Variants in LY86 observed in about 807,000 individuals in gnomAD.
The protein encoded by LY86 is lymphocyte antigen 86.
LY86 carries 20 observed loss-of-function variants against 17.3 expected under a neutral mutation model. That is an observed-to-expected ratio of 1.15 (90% CI 0.81 to 1.68). The LOEUF is 1.68. Among genes scored for constraint, LY86 ranks in the 40% most tolerant of loss-of-function variants. The probability of loss-of-function intolerance (pLI) is 0.00; values close to 1 mark genes in which losing one functional copy is unlikely to be tolerated. For missense variants in LY86, 200 were observed against 191.9 expected, an observed-to-expected ratio of 1.04 and a Z score of -0.25; for synonymous variants, 74 against 70.6, an observed-to-expected ratio of 1.05 and a Z score of -0.24.
intron 1 of LY86, among the ~76,000 whole-genome samples, chr6:6,595,474 G>C (rs1014098193): frequency 2.6e-5 from 4 of 151,740 alleles, no homozygotes; most frequent in Admixed American, 6.6e-5. Flanking sequence ...GAGGAAAGGA[G>C]GGGAGAGATT....
At chr6:6,648,513 G>T (rs1762139441) in intron 3 of LY86, among the ~76,000 whole-genome samples, 1 of 152,092 alleles carries the variant, frequency 6.6e-6, no homozygotes, top group African/African-American at 2.4e-5. Context: ...ATTCTGAGAT[G>T]ATCTTCCCCC....
Position 6,598,264 on chromosome 6 carries a change from G to C in LY86, c.136+9394G>C, listed in dbSNP as rs560437546. Reference sequence around the variant, plus strand: ...CTTATAAATTTCAAAAGCAGACAAAGCACAAATTATCACAAAATTATTCAA... The same window carrying C: ...CTTATAAATTTCAAAAGCAGACAAACCACAAATTATCACAAAATTATTCAA... On this transcript the variant is annotated intron_variant, in intron 1 of 4. Transcript: ENST00000230568. Among the ~76,000 whole-genome samples, 12 of 152,126 alleles carry C rather than the reference G, an allele frequency of 7.9e-5. No homozygotes were observed. The South Asian group carries it at 2.3e-3, about 29-fold the overall frequency.
chr6:6,589,610 TTAAA>T (rs1760462948), intron 1 of LY86, among the ~76,000 whole-genome samples: 1 of 152,170 alleles, frequency 6.6e-6, no homozygotes. Context: ...GGCTGGGGAC[TTAAA>T]TAACAGATTT....
At chr6:6,613,310 A>T (rs1761446276) in intron 1 of LY86, among the ~76,000 whole-genome samples, 1 of 152,136 alleles carries the variant, frequency 6.6e-6, no homozygotes, top group African/African-American at 2.4e-5. Context: ...TAGGGGACGG[A>T]GCGCTATGGA....
intron 1 of LY86, among the ~76,000 whole-genome samples, chr6:6,594,840 G>A (rs1052156069): frequency 2.6e-5 from 4 of 152,130 alleles, no homozygotes; most frequent in African/African-American, 9.7e-5. Flanking sequence ...CCATTTTCTG[G>A]ATATAGAAAC....
intron 3 of LY86, among the ~76,000 whole-genome samples, chr6:6,639,443 T>C (rs971161120): frequency 6.6e-6 from 1 of 152,226 alleles, no homozygotes; most frequent in African/African-American, 2.4e-5. Context: ...AACGTAGCCA[T>C]TGACAACACC....
intron 1 of LY86, among the ~76,000 whole-genome samples, chr6:6,618,396 T>C (rs1431414320): frequency 6.6e-6 from 1 of 151,680 alleles, no homozygotes; most frequent in Admixed American, 6.6e-5. Flanking sequence ...TCCTACTCCT[T>C]TTCTGTCAAT....
chr6:6,648,060 C>A (rs1762132490), intron 3 of LY86, among the ~76,000 whole-genome samples: 1 of 151,534 alleles, frequency 6.6e-6, no homozygotes, highest in African/African-American at 2.4e-5. Flanking sequence ...CCCCATCTAT[C>A]CAGATGCTCA....
chr6:6,647,310 T>C (rs377233172), intron 3 of LY86, among the ~76,000 whole-genome samples: 17 of 152,230 alleles, frequency 1.1e-4, no homozygotes, highest in Admixed American at 9.8e-4. Context: ...TTCTACAAGA[T>C]TATTCCCTTG....
chr6:6,612,240 A>C (rs776331337), intron 1 of LY86, among the ~76,000 whole-genome samples: 1 of 152,170 alleles, frequency 6.6e-6, no homozygotes, highest in Non-Finnish European at 1.5e-5. Context: ...GGGCGTGTCC[A>C]GAGTTTATTC....
chr6:6,603,604 A>AAAC (rs765819931), intron 1 of LY86, among the ~76,000 whole-genome samples: 2 of 56,172 alleles, frequency 3.6e-5, no homozygotes, highest in Non-Finnish European at 8.1e-5. Context: ...AAACAGAAAC[A>AAAC]GAAAAAAAAA....
rs796187159 is a variant in LY86, at chr6:6,606,640, C to A, written c.136+17770C>A. On this transcript the variant is annotated intron_variant, in intron 1 of 4. Coordinates refer to ENST00000230568, the MANE Select transcript of LY86 (RefSeq NM_004271.4). Reference sequence around the variant, plus strand: ...ACGCGGGGAGGAAGCTAAGGCCCGGCGAGAAATTGAGCACAGCAGCTACTG... The same window carrying A: ...ACGCGGGGAGGAAGCTAAGGCCCGGAGAGAAATTGAGCACAGCAGCTACTG... Among the ~76,000 whole-genome samples the A allele has an allele frequency of 5.3e-4, 80 of 152,312 alleles. 1 individual carries two copies. The highest frequency in any genetic ancestry group is 1.8e-3 in the African/African-American group (75 of 41,578).
chr6:6,613,990 A>G (rs1274726284), intron 1 of LY86, among the ~76,000 whole-genome samples: 1 of 152,238 alleles, frequency 6.6e-6, no homozygotes, highest in Non-Finnish European at 1.5e-5. Flanking sequence ...TTTTTCATAC[A>G]GTTTATTCCT....
At chr6:6,599,071 C>T (rs1257707207) in intron 1 of LY86, among the ~76,000 whole-genome samples, 1 of 152,186 alleles carries the variant, frequency 6.6e-6, no homozygotes, top group Non-Finnish European at 1.5e-5. Context: ...CTTACTCCTA[C>T]TTGCTTACAA....
rs2113171908 is a variant in LY86, at chr6:6,654,773, T to G, written c.*146T>G. 1 of 647,040 alleles carries G rather than the reference T, an allele frequency of 1.5e-6. No individual in the cohort carries two copies. Among genetic ancestry groups the G allele is most frequent in the Admixed American group, 2.8e-5 (1 of 35,514 alleles). 40.1% of individuals were successfully genotyped at this position (647,040 alleles called of 1,614,324 possible). A position where few individuals can be genotyped will look rare whatever the true frequency, so the allele number is the denominator to read the frequency against. On this transcript the variant is annotated 3_prime_UTR_variant, in exon 5 of 5. Transcript: ENST00000230568. Reference sequence around the variant, plus strand: ...CCCCCAAAGAGTGCAGCTGCTAATTTTAGTCCCAGGACCAGACATCCCCAG... The same window carrying G: ...CCCCCAAAGAGTGCAGCTGCTAATTGTAGTCCCAGGACCAGACATCCCCAG...
chr6:6,613,405 A>G (rs541713694), intron 1 of LY86, among the ~76,000 whole-genome samples: 1 of 152,306 alleles, frequency 6.6e-6, no homozygotes, highest in African/African-American at 2.4e-5. Context: ...GACTTCAGGC[A>G]TGGTGGGCTG....
rs529882201 is a variant in LY86 at position 6,606,669 on chromosome 6, C to T, written c.136+17799C>T. Among the ~76,000 whole-genome samples, 25 of 152,340 alleles carry T rather than the reference C, an allele frequency of 1.6e-4. No individual in the cohort carries two copies. The South Asian group carries it at 4.6e-3, about 28-fold the overall frequency. ...AAATTGAGCACAGCAGCTACTGGCCCAGGTGCTAAGCCCCTCACTACCCGG... is the reference window on the plus strand; with the variant it reads ...AAATTGAGCACAGCAGCTACTGGCCTAGGTGCTAAGCCCCTCACTACCCGG... On this transcript the variant is annotated intron_variant, in intron 1 of 4. Coordinates refer to ENST00000230568, the MANE Select transcript of LY86 (RefSeq NM_004271.4).
chr6:6,645,498 G>A (rs1762095533), intron 3 of LY86, among the ~76,000 whole-genome samples: 1 of 152,102 alleles, frequency 6.6e-6, no homozygotes. Context: ...GAGTCAGAGA[G>A]CTGGGTCTCA....
rs3804487 is a variant in LY86 at position 6,642,337 on chromosome 6, G to A, written c.353-7288G>A. Among the ~76,000 whole-genome samples the A allele has an allele frequency of 1.7e-3, 255 of 152,362 alleles. 4 individuals are homozygous for A. In the East Asian group the frequency reaches 0.034, roughly 20 times the overall value. On this transcript the variant is annotated intron_variant, in intron 3 of 4. Coordinates refer to ENST00000230568, the MANE Select transcript of LY86 (RefSeq NM_004271.4). ...CAAGCCTGCAGCACTGAGAGTCCCG[G>A]GAGGACCCCTCCAGGGGAGACACAA...
Sources: gnomAD v4.1 joint callset for allele counts (sites outside exome capture counted in the v4.1 genomes callset) on GRCh38, gnomAD v4.1.1 for gene constraint, MANE v1.5 for transcripts, NCBI Gene and HGNC (gene_info 2026-07-23, HGNC 2026-07-21) for gene names.